The following CYP2C19 variants were observed in gnomAD, a reference collection of about 807,000 sequenced individuals.
CYP2C19 encodes the protein cytochrome P450 family 2 subfamily C member 19, also known as cytochrome P450 2C19.
Under a neutral mutation model 40.9 loss-of-function variants are expected in CYP2C19, and 59 were observed. The observed-to-expected ratio is 1.44, with a 90% CI of 1.17 to 1.79. CYP2C19 has a LOEUF of 1.79. CYP2C19 is among the 40% of genes most tolerant of loss of function. The pLI, the probability that CYP2C19 is intolerant of heterozygous loss-of-function variation, is 0.00. For synonymous variants in CYP2C19, 253 were observed against 208.7 expected (o/e 1.21, Z -1.83); for missense variants, 754 against 596.9 (o/e 1.26, Z -2.74).
At chr10:94,817,930 G>A (rs1475732711) in intron 5 of CYP2C19, among the ~76,000 whole-genome samples, 11 of 149,386 alleles carry the variant, frequency 7.4e-5, no homozygotes, top group East Asian at 2.0e-4. Flanking sequence ...GGAGAATGGC[G>A]TGAACCCGGG....
At chr10:94,824,266 C>T (rs184510641) in intron 6 of CYP2C19, among the ~76,000 whole-genome samples, 2 of 152,160 alleles carry the variant, frequency 1.3e-5, no homozygotes, top group Admixed American at 1.3e-4. Flanking sequence ...ATTAGTGTGT[C>T]TATCTGAGGG....
chr10:94,850,154 A>G lies in CYP2C19; in HGVS notation c.1291+96A>G. 3 of 1,384,758 alleles carry G rather than the reference A, an allele frequency of 2.2e-6. No homozygotes were observed. In the South Asian group the frequency reaches 3.5e-5, roughly 16 times the overall value. 85.8% of individuals were successfully genotyped at this position (1,384,758 alleles called of 1,614,324 possible). A position where few individuals can be genotyped will look rare whatever the true frequency, so the allele number is the denominator to read the frequency against. Reference sequence around the variant, plus strand: ...GTGCCTTCTCTGCAGTGGTACAGTTACTCTTTGTACATGATCAAGAGCACT... The same window carrying G: ...GTGCCTTCTCTGCAGTGGTACAGTTGCTCTTTGTACATGATCAAGAGCACT... On this transcript the variant is annotated intron_variant, in intron 8 of 8. Coordinates refer to ENST00000371321, the MANE Select transcript of CYP2C19 (RefSeq NM_000769.4).
chr10:94,847,751 CT>C (rs1459173141), intron 7 of CYP2C19, among the ~76,000 whole-genome samples: 1 of 152,134 alleles, frequency 6.6e-6, no homozygotes, highest in Non-Finnish European at 1.5e-5. Context: ...TGTTTCCTGA[CT>C]TTTTAATGAT....
intron 5 of CYP2C19, among the ~76,000 whole-genome samples, chr10:94,784,235 C>CT (rs55734964): frequency 0.99 from 150,181 of 152,204 alleles, 74,121 homozygotes; most frequent in East Asian, 1. Flanking sequence ...GTACTTCATT[C>CT]TTTTTGTGGA....
chr10:94,797,467 C>G lies in CYP2C19; in HGVS notation c.819+15470C>G, dbSNP rs569941166. ...CCTGAAATTTTTTGTGTGTGTGTCT[C>G]TCCTGGGCTTTGGTATCAGGATGAT... is the stretch of plus-strand genomic sequence containing the variant. On this transcript the variant is annotated intron_variant, in intron 5 of 8. Coordinates refer to ENST00000371321, the MANE Select transcript of CYP2C19 (RefSeq NM_000769.4). Among the ~76,000 whole-genome samples, 96 of 152,086 alleles carry G rather than the reference C, an allele frequency of 6.3e-4. 1 individual carries two copies. In the South Asian group the frequency reaches 0.02, roughly 31 times the overall value.
At chr10:94,762,922 T>C (rs530292726) in intron 1 of CYP2C19, 49 bp downstream of exon 1, 1 of 1,538,554 alleles carries the variant, frequency 6.5e-7, no homozygotes, top group Non-Finnish European at 9.0e-7. Context: ...AATTCACCTG[T>C]ATTTTTTAAA....
At chr10:94,793,682 C>A (rs1298168196) in intron 5 of CYP2C19, among the ~76,000 whole-genome samples, 1 of 152,096 alleles carries the variant, frequency 6.6e-6, no homozygotes, top group Non-Finnish European at 1.5e-5. Context: ...GCAAATATTG[C>A]AGAACAGCAA....
intron 6 of CYP2C19, among the ~76,000 whole-genome samples, chr10:94,831,493 G>T (rs1849334613): frequency 6.6e-6 from 1 of 152,152 alleles, no homozygotes; most frequent in East Asian, 1.9e-4. Context: ...TCTCCATAGT[G>T]GTCATACTAA....
rs140085566 is a variant in CYP2C19, at chr10:94,800,237, A to G, written c.819+18240A>G. ...TTGATGCTATTCCTTTCTGTTTGTT[A>G]GTTTTTCTTCTAACCATCATGTCCC... On this transcript the variant is annotated intron_variant, in intron 5 of 8. Coordinates refer to ENST00000371321, the MANE Select transcript of CYP2C19 (RefSeq NM_000769.4). Among the ~76,000 whole-genome samples, 471 of 152,196 alleles carry G rather than the reference A, an allele frequency of 3.1e-3. 3 individuals are homozygous for G. Among genetic ancestry groups the G allele is most frequent in the African/African-American group, 0.011 (448 of 41,526 alleles).
rs1214611872 is a variant in CYP2C19 at position 94,807,538 on chromosome 10, C to A, written c.820-12958C>A. 5.1e-4 allele frequency among the ~76,000 whole-genome samples: 78 copies of A among 152,192 alleles called. 1 individual carries two copies. Among genetic ancestry groups the A allele is most frequent in the Admixed American group, 5.1e-3 (78 of 15,254 alleles). On this transcript the variant is annotated intron_variant, in intron 5 of 8. Coordinates refer to ENST00000371321, the MANE Select transcript of CYP2C19 (RefSeq NM_000769.4). ...GTTTTTGAGTTCTCTTTCTCTGCGT[C>A]CTCACCAGCGTTGGCTGTCTTTTGT...
rs560413936 is a variant in CYP2C19 at position 94,778,244 on chromosome 10, A to G, written c.482-2255A>G. 3.3e-5 allele frequency among the ~76,000 whole-genome samples: 5 copies of G among 152,328 alleles called. No individual in the cohort carries two copies. The South Asian group carries it at 8.3e-4, about 25-fold the overall frequency. ...CAAAGGTCAGTTCCTGGTCAACATA[A>G]GTAAACAAGCCTGTTCAAGATGACT... is the stretch of plus-strand genomic sequence containing the variant. On this transcript the variant is annotated intron_variant, in intron 3 of 8. Transcript: ENST00000371321.
At chr10:94,821,493 C>T (rs933477587) in intron 6 of CYP2C19, among the ~76,000 whole-genome samples, 4 of 152,124 alleles carry the variant, frequency 2.6e-5, no homozygotes, top group Admixed American at 2.6e-4. Context: ...AAAGTTGATT[C>T]TGTTTACTAA....
chr10:94,852,734 A>G lies in CYP2C19; in HGVS notation c.1293A>G (p.Gly431=), dbSNP rs773833388. Residue 431 remains glycine (G), a splice_region_variant and synonymous_variant, in exon 9 of 9, where the codon GGA becomes GGG. Coordinates refer to ENST00000371321, the MANE Select transcript of CYP2C19 (RefSeq NM_000769.4). ...TCTCCCTATGTTTGTTATTTTCAGG[A>G]AAACGGATTTGTGTGGGAGAGGGCC... ...KSNYFMPFSA[G]KRICVGEGLA... is the part of the protein sequence containing the mutation. The G allele has an allele frequency of 6.2e-7, 1 of 1,613,752 alleles. No individual in the cohort carries two copies. The highest frequency in any genetic ancestry group is 8.5e-7 in the Non-Finnish European group (1 of 1,179,888).
chr10:94,814,593 C>T (rs1848973187), intron 5 of CYP2C19, among the ~76,000 whole-genome samples: 1 of 151,720 alleles, frequency 6.6e-6, no homozygotes, highest in African/African-American at 2.4e-5. Flanking sequence ...TTTTGGGTGC[C>T]TCAGTGGCCT....
chr10:94,841,077 C>T (rs1447059784), intron 6 of CYP2C19, among the ~76,000 whole-genome samples: 1 of 152,134 alleles, frequency 6.6e-6, no homozygotes, highest in Non-Finnish European at 1.5e-5. Flanking sequence ...GGTGGTGGGC[C>T]ACTTCCAAGA....
chr10:94,803,680 T>C (rs1000534217), intron 5 of CYP2C19, among the ~76,000 whole-genome samples: 1 of 152,140 alleles, frequency 6.6e-6, no homozygotes, highest in African/African-American at 2.4e-5. Context: ...CTAAGAAACC[T>C]CTTTGGCTCC....
chr10:94,806,826 C>T (rs548730292), intron 5 of CYP2C19, among the ~76,000 whole-genome samples: 27 of 151,264 alleles, frequency 1.8e-4, no homozygotes, highest in African/African-American at 6.3e-4. Flanking sequence ...TATATGTATA[C>T]AATGTGTAAT....
intron 6 of CYP2C19, among the ~76,000 whole-genome samples, chr10:94,832,892 A>G (rs1431193821): frequency 6.6e-6 from 1 of 152,172 alleles, no homozygotes; most frequent in Admixed American, 6.5e-5. Flanking sequence ...CCAATCCATG[A>G]ACATGAAATA....
chr10:94,829,704 A>C (rs185680134), intron 6 of CYP2C19, among the ~76,000 whole-genome samples: 1 of 151,562 alleles, frequency 6.6e-6, no homozygotes, highest in Non-Finnish European at 1.5e-5. Flanking sequence ...GTGAGGAACT[A>C]CGTTCCTTTG....
Sources: gnomAD v4.1 joint callset for allele counts (sites outside exome capture counted in the v4.1 genomes callset) on GRCh38, gnomAD v4.1.1 for gene constraint, MANE v1.5 for transcripts, NCBI Gene and HGNC (gene_info 2026-07-23, HGNC 2026-07-21) for gene names.